The following TYW2 variants were observed in gnomAD, a reference collection of about 807,000 sequenced individuals.
The protein encoded by TYW2 is tRNA wybutosine-synthesizing protein 2, also known as tRNA wybutosine-synthesizing protein 2 homolog.
chr8:124,451,062 A>C, the TYW2 span: 4 of 1,614,046 alleles, frequency 2.5e-6, no homozygotes, highest in Non-Finnish European at 2.5e-6. Flanking sequence ...TCTTTGATAC[A>C]CAGCACCGTG....
At chr8:124,452,918 G>A in the TYW2 span, 1 of 167,082 alleles carries the variant, frequency 6.0e-6, no homozygotes, top group Non-Finnish European at 1.5e-5. Flanking sequence ...GACTAAATTA[G>A]AGAGAGAAGG....
At chr8:124,451,051 C>T in the TYW2 span, 2 of 1,614,168 alleles carry the variant, frequency 1.2e-6, no homozygotes, top group African/African-American at 1.3e-5. Context: ...GAGGCAGAAA[C>T]TCTTTGATAC....
the TYW2 span, chr8:124,451,930 A>G: frequency 6.2e-6 from 10 of 1,614,088 alleles, no homozygotes; most frequent in South Asian, 4.4e-5. Context: ...CATTTTGCAT[A>G]TCCACCAAAA....
At chr8:124,451,547 G>T in the TYW2 span, 1 of 1,614,212 alleles carries the variant, frequency 6.2e-7, no homozygotes, top group Non-Finnish European at 8.5e-7. Flanking sequence ...AATGGTATCC[G>T]TTATAAGTTT....
chr8:124,452,205 A>G, the TYW2 span: 35 of 1,614,178 alleles, frequency 2.2e-5, no homozygotes, highest in East Asian at 4.2e-4. Flanking sequence ...AACCAGTGAA[A>G]TCCTATGCTC....
the TYW2 span, chr8:124,452,670 C>G: frequency 5.6e-6 from 1 of 180,084 alleles, no homozygotes; most frequent in Admixed American, 5.9e-5. Context: ...GAGTGAAAGA[C>G]ACAGTGCTTT....
chr8:124,451,578 C>T, the TYW2 span: 1 of 1,614,146 alleles, frequency 6.2e-7, no homozygotes, highest in East Asian at 2.2e-5. Context: ...AGTGTATGTT[C>T]TCCTTTGGAA....
At chr8:124,452,220 T>C in the TYW2 span, 3 of 1,614,108 alleles carry the variant, frequency 1.9e-6, no homozygotes, top group African/African-American at 4.0e-5. Flanking sequence ...ATGCTCCCCA[T>C]GTGGATCACA....
chr8:124,450,868 G>C, the TYW2 span: 3 of 1,549,000 alleles, frequency 1.9e-6, no homozygotes, highest in Non-Finnish European at 2.6e-6. Context: ...CCTTATTTAA[G>C]ACCGGGAATT....
chr8:124,451,098 G>A, the TYW2 span: 2 of 1,614,106 alleles, frequency 1.2e-6, no homozygotes, highest in Non-Finnish European at 1.7e-6. Context: ...ATGGCTCGGT[G>A]GCGCTACCGG....
chr8:124,451,854 G>A, the TYW2 span: 1 of 1,614,132 alleles, frequency 6.2e-7, no homozygotes, highest in South Asian at 1.1e-5. Context: ...TGATCCTGGG[G>A]CTGATTCCCA....
At chr8:124,450,846 A>G in the TYW2 span, 1 of 1,494,180 alleles carries the variant, frequency 6.7e-7, no homozygotes, top group South Asian at 1.3e-5. Flanking sequence ...TGGCCGGGTG[A>G]GCTGCAGGCT....
chr8:124,451,460 G>A, the TYW2 span: 1 of 1,614,204 alleles, frequency 6.2e-7, no homozygotes, highest in Non-Finnish European at 8.5e-7. Context: ...AAACGAGGGC[G>A]GGTATCACCG....
chr8:124,451,435 G>T, the TYW2 span: 1 of 1,614,056 alleles, frequency 6.2e-7, no homozygotes, highest in Non-Finnish European at 8.5e-7. Context: ...GGCACTTGGC[G>T]TCCAGCGTTT....
chr8:124,451,217 G>C, the TYW2 span: 1 of 1,614,188 alleles, frequency 6.2e-7, no homozygotes, highest in African/African-American at 1.3e-5. Flanking sequence ...CCTTCGAAGA[G>C]GGCCCAGGGT....
chr8:124,452,326 G>A, the TYW2 span: 1 of 1,574,806 alleles, frequency 6.3e-7, no homozygotes, highest in East Asian at 2.2e-5. Context: ...GCCCTTAAAT[G>A]TATCAGTTCA....
At chr8:124,452,248 T>C in the TYW2 span, 172 of 1,613,774 alleles carry the variant, frequency 1.1e-4, no homozygotes, top group Admixed American at 2.7e-4. Flanking sequence ...GGATCTGGAA[T>C]GCTGCCCCTG....
At chr8:124,452,010 G>T in the TYW2 span, 2 of 1,614,202 alleles carry the variant, frequency 1.2e-6, no homozygotes, top group Admixed American at 3.3e-5. Flanking sequence ...AGCATTGGCT[G>T]TATCCTCAGC....
At chr8:124,452,519 A>C in the TYW2 span, 3 of 467,306 alleles carry the variant, frequency 6.4e-6, no homozygotes, top group South Asian at 8.2e-5. Flanking sequence ...TGCAATTATG[A>C]ATTCCAAATT....
Sources: gnomAD v4.1 joint callset for allele counts on GRCh38, gnomAD v4.1.1 for gene constraint, MANE v1.5 for transcripts, NCBI Gene and HGNC (gene_info 2026-07-23, HGNC 2026-07-21) for gene names.